Variants in MAP3K7 observed in about 807,000 individuals in gnomAD.
MAP3K7 encodes mitogen-activated protein kinase kinase kinase 7, also known as TGF-beta activated kinase 1.
MAP3K7 carries 21 observed loss-of-function variants against 84.8 expected under a neutral mutation model. That is an observed-to-expected ratio of 0.25 (90% CI 0.18 to 0.36). MAP3K7 has a LOEUF of 0.36. Ranked by LOEUF, MAP3K7 falls within the 10% of genes least tolerant of loss-of-function variation. The pLI is 1.00. For missense variants in MAP3K7, 503 were observed against 747.7 expected (o/e 0.67, Z 3.82); for synonymous variants, 241 against 247.7 (o/e 0.97, Z 0.25).
chr6:90,576,206 G>A (rs1461131604), intron 1 of MAP3K7, among the ~76,000 whole-genome samples: 1 of 151,994 alleles, frequency 6.6e-6, no homozygotes, highest in African/African-American at 2.4e-5. Flanking sequence ...GGCGGATCAC[G>A]AGGTCAGGAG....
chr6:90,517,141 A>G (rs574129942), intron 16 of MAP3K7, among the ~76,000 whole-genome samples: 1 of 151,996 alleles, frequency 6.6e-6, no homozygotes, highest in South Asian at 2.1e-4. Flanking sequence ...ATCTAATTAA[A>G]ATAAATGCTA....
At chr6:90,550,728 T>C (rs1776154867) in intron 8 of MAP3K7, 179 bp from the exon 9 acceptor site, 1 of 472,778 alleles carries the variant, frequency 2.1e-6, no homozygotes, top group Non-Finnish European at 3.8e-6. Context: ...TGCACCTACC[T>C]AAGAATCTAG....
rs529758461 is a variant in MAP3K7 at position 90,513,928 on chromosome 6, A to G, written c.*2573T>C. 2.6e-5 allele frequency: 4 copies of G among 152,228 alleles called. No individual in the cohort carries two copies. The highest frequency in any genetic ancestry group is 9.6e-5 in the African/African-American group (4 of 41,560). The allele number at this position is 152,228 out of a possible 1,614,324, so 9.4% of individuals were successfully genotyped here. ...TAAACAACTTGTAACAAATCTTTAT[A>G]TGTTGTGTTGCTATGCGGTAAATAT... On this transcript the variant is annotated 3_prime_UTR_variant, in exon 17 of 17. Transcript: ENST00000369329.
chr6:90,557,479 T>A (rs544855540), intron 5 of MAP3K7, among the ~76,000 whole-genome samples: 3 of 152,330 alleles, frequency 2.0e-5, no homozygotes, highest in Admixed American at 2.0e-4. Context: ...TAAACTACTA[T>A]TCACAGTTCC....
intron 1 of MAP3K7, among the ~76,000 whole-genome samples, chr6:90,575,953 G>C (rs527894161): frequency 3.0e-4 from 45 of 152,108 alleles, no homozygotes; most frequent in Admixed American, 2.9e-3. Flanking sequence ...ACTTTCTAGC[G>C]TATGTGAAGG....
chr6:90,533,943 T>G (rs1049262453), intron 13 of MAP3K7, among the ~76,000 whole-genome samples: 6 of 152,192 alleles, frequency 3.9e-5, no homozygotes, highest in Non-Finnish European at 5.9e-5. Flanking sequence ...AAAACCATGT[T>G]TGAAAGTGAG....
At chr6:90,542,229 T>C (rs1775874847) in intron 12 of MAP3K7, 2 of 983,166 alleles carry the variant, frequency 2.0e-6, no homozygotes, top group Non-Finnish European at 2.4e-6. Flanking sequence ...GGTATTTTTA[T>C]ATTTAATTTA....
intron 13 of MAP3K7, among the ~76,000 whole-genome samples, chr6:90,533,985 C>T (rs1375813317): frequency 6.6e-6 from 1 of 152,144 alleles, no homozygotes; most frequent in Non-Finnish European, 1.5e-5. Context: ...TCTTTTACAC[C>T]TATACTTATA....
At chr6:90,560,729 T>G (rs34043497) in intron 4 of MAP3K7, among the ~76,000 whole-genome samples, 1,669 of 152,308 alleles carry the variant, frequency 0.011, 33 homozygotes, top group African/African-American at 0.038. Flanking sequence ...TGCCATGATA[T>G]TAACATTTAA....
intron 6 of MAP3K7, among the ~76,000 whole-genome samples, chr6:90,554,348 A>T (rs770250936): frequency 6.6e-6 from 1 of 152,200 alleles, no homozygotes; most frequent in Non-Finnish European, 1.5e-5. Context: ...TTAATTTATA[A>T]ACTTAAACAT....
chr6:90,515,549 TC>T lies in MAP3K7; in HGVS notation c.*951del, dbSNP rs1774930648. The T allele has an allele frequency of 1.0e-5, 1 of 98,712 alleles. No homozygotes were observed. Among genetic ancestry groups the T allele is most frequent in the Non-Finnish European group, 2.2e-5 (1 of 45,802 alleles). 6.1% of individuals were successfully genotyped at this position (98,712 alleles called of 1,614,324 possible). ...TGCCTGGTTTATTTCTCATTTGGTA[TC>T]ATAAAAAGAAATCTAAGTCCAAGCT... On this transcript the variant is annotated 3_prime_UTR_variant, in exon 17 of 17. Transcript: ENST00000369329.
At chr6:90,571,353 T>C (rs1776893920) in intron 2 of MAP3K7, among the ~76,000 whole-genome samples, 1 of 152,148 alleles carries the variant, frequency 6.6e-6, no homozygotes, top group Non-Finnish European at 1.5e-5. Context: ...AAAGTAAGTG[T>C]ATAAAATTTC....
At chr6:90,522,185 G>A (rs1361303082) in intron 14 of MAP3K7, among the ~76,000 whole-genome samples, 1 of 152,118 alleles carries the variant, frequency 6.6e-6, no homozygotes. Context: ...TCTAGCAATT[G>A]GTATTTTGTG....
At chr6:90,535,570 A>AAT (rs1296572399) in intron 13 of MAP3K7, among the ~76,000 whole-genome samples, 2 of 152,030 alleles carry the variant, frequency 1.3e-5, no homozygotes, top group Non-Finnish European at 2.9e-5. Context: ...CATTTTACAG[A>AAT]ATATAGTATA....
intron 12 of MAP3K7, among the ~76,000 whole-genome samples, chr6:90,537,599 T>G (rs1225015157): frequency 6.6e-6 from 1 of 152,054 alleles, no homozygotes; most frequent in Non-Finnish European, 1.5e-5. Context: ...TTTTTTCCAT[T>G]TTAAGCTACG....
intron 13 of MAP3K7, among the ~76,000 whole-genome samples, chr6:90,527,743 G>C: frequency 6.6e-6 from 1 of 151,892 alleles, no homozygotes; most frequent in East Asian, 1.9e-4. Context: ...CTGGGTGGTG[G>C]GTTCACAAGT....
chr6:90,571,227 A>G (rs1325018595), intron 2 of MAP3K7, among the ~76,000 whole-genome samples: 2 of 152,132 alleles, frequency 1.3e-5, no homozygotes, highest in African/African-American at 4.8e-5. Flanking sequence ...TTCTTTCATC[A>G]TTCAATCTAA....
intron 14 of MAP3K7, among the ~76,000 whole-genome samples, chr6:90,523,440 G>A (rs1775218973): frequency 6.6e-6 from 1 of 151,558 alleles, no homozygotes; most frequent in Non-Finnish European, 1.5e-5. Flanking sequence ...ACCCCAAACA[G>A]ACAATCTTTA....
intron 1 of MAP3K7, among the ~76,000 whole-genome samples, chr6:90,575,520 T>G (rs1777044998): frequency 6.6e-6 from 1 of 152,056 alleles, no homozygotes; most frequent in Admixed American, 6.6e-5. Flanking sequence ...CTAACCCGGG[T>G]TCCCTCAGCC....
Sources: allele counts gnomAD v4.1 joint callset (sites outside exome capture counted in the v4.1 genomes callset), GRCh38; gene constraint gnomAD v4.1.1; transcripts MANE v1.5; gene names NCBI Gene and HGNC (gene_info 2026-07-23, HGNC 2026-07-21).